EIF2AK1: variants seen among roughly 807,000 people sequenced by gnomAD.
The protein encoded by EIF2AK1 is eukaryotic translation initiation factor 2 alpha kinase 1.
A neutral mutation model predicts 77.9 loss-of-function variants in EIF2AK1; 54 were observed. That is an observed-to-expected ratio of 0.69 (90% CI 0.56 to 0.87). EIF2AK1 has a LOEUF of 0.87. Among genes scored for constraint, EIF2AK1 ranks in the 40% least tolerant of loss-of-function variants. The pLI is 0.00. For missense variants in EIF2AK1, 810 were observed against 768.6 expected (o/e 1.05, Z -0.64); for synonymous variants, 314 against 290.5 (o/e 1.08, Z -0.82).
rs924852468 is a variant in EIF2AK1 at position 6,044,585 on chromosome 7, T to C, written c.707A>G (p.His236Arg). 1.2e-6 allele frequency: 2 copies of C among 1,614,006 alleles called. No homozygotes were observed. Among genetic ancestry groups the C allele is most frequent in the East Asian group, 2.2e-5 (1 of 44,880 alleles). The change falls in exon 7 of 15, where the codon CAT (histidine) becomes CGT (arginine). Residue 236 changes from histidine to arginine, a missense_variant. By Grantham distance (29) the His-to-Arg change is conservative. Transcript: ENST00000199389. Reference protein sequence around the residue: ...IVGYHTAWIEHVHVIQPRADR... With the variant: ...IVGYHTAWIERVHVIQPRADR... ...ACCTCGTGGCTGAATCACATGAACA[T>C]GTTCTATCCACGCGGTGTGATAGCC...
chr7:6,058,244 TG>T (rs749973727), intron 1 of EIF2AK1: 135 of 420,452 alleles, frequency 3.2e-4, no homozygotes, highest in Middle Eastern at 2.8e-3. Context: ...ACCACATCTC[TG>T]CAAAAAAAAA....
intron 3 of EIF2AK1, 59 bp from the exon 4 acceptor site, chr7:6,048,903 C>T (rs1788519124): frequency 8.3e-7 from 1 of 1,203,902 alleles, no homozygotes; most frequent in Non-Finnish European, 1.2e-6. Context: ...AATAAAGAAC[C>T]TATCAAAATT....
rs1787678974 is a variant in EIF2AK1, at chr7:6,024,408, A to G, written c.*265T>C. 1 of 1,325,614 alleles carries G rather than the reference A, an allele frequency of 7.5e-7. No homozygotes were observed. The highest frequency in any genetic ancestry group is 1.5e-5 in the African/African-American group (1 of 67,196). The allele number at this position is 1,325,614 out of a possible 1,614,324, so 82.1% of individuals were successfully genotyped here. On this transcript the variant is annotated 3_prime_UTR_variant, in exon 15 of 15. Transcript: ENST00000199389. ...TAGAGGAAGACCAGACAGAGGGTCAACAGAGTTGAAAGGAGAAAATAATTG... is the reference window on the plus strand; with the variant it reads ...TAGAGGAAGACCAGACAGAGGGTCAGCAGAGTTGAAAGGAGAAAATAATTG...
At chr7:6,047,151 T>C (rs1788470072) in intron 4 of EIF2AK1, 60 bp from the exon 5 acceptor site, 7 of 1,485,830 alleles carry the variant, frequency 4.7e-6, no homozygotes, top group Admixed American at 1.7e-5. Flanking sequence ...TGTTCTAGGA[T>C]ACCTCATGCT....
In EIF2AK1 at chr7:6,026,846, A is replaced by C. The variant is rs777541409; in HGVS notation, c.1646T>G (p.Leu549Arg). Reference sequence around the variant, plus strand: ...GGCTTGCACTGGACACCTTTTACGGAGGGATTCCGGCAACTGACCAGTTCT... The same window carrying C: ...GGCTTGCACTGGACACCTTTTACGGCGGGATTCCGGCAACTGACCAGTTCT... ...GLRTGQLPESLRKRCPVQAKY... is the reference protein window; with the variant it reads ...GLRTGQLPESRRKRCPVQAKY... Residue 549 changes from leucine to arginine, a missense_variant, in exon 14 of 15, where the codon CTC becomes CGC. Around this residue, in one of 3 missense-constraint regions of EIF2AK1, gnomAD observed 549 missense variants for 533.7 expected, o/e 1.03. Coordinates refer to ENST00000199389, the MANE Select transcript of EIF2AK1 (RefSeq NM_014413.4). The C allele has an allele frequency of 5.0e-6, 8 of 1,614,036 alleles. No individual in the cohort carries two copies. Among genetic ancestry groups the C allele is most frequent in the Non-Finnish European group, 8.5e-7 (1 of 1,180,026 alleles).
rs779261913 is a variant in EIF2AK1, at chr7:6,054,637, T to C, written c.186A>G (p.Ala62=). The change falls in exon 2 of 15, where the codon GCA becomes GCG. Residue 62 remains alanine, a synonymous_variant. Coordinates refer to ENST00000199389, the MANE Select transcript of EIF2AK1 (RefSeq NM_014413.4). The part of the protein sequence containing the change: ...EPLQQPTFPF[A]VANQLLLVSL... ...AAACCAGCAAGAGTTGGTTTGCAAC[T>C]GCAAAAGGGAAGGTTGGCTGTTGTA... 1 of 1,614,210 alleles carries C rather than the reference T, an allele frequency of 6.2e-7. No homozygotes were observed. The highest frequency in any genetic ancestry group is 8.5e-7 in the Non-Finnish European group (1 of 1,180,042).
At position 6,046,817 on chromosome 7, in the gene EIF2AK1, G is replaced by A. The variant is rs190247754; in HGVS notation, c.549+175C>T. The A allele has an allele frequency of 1.4e-5, 7 of 506,804 alleles. No individual in the cohort carries two copies. The East Asian group carries it at 2.2e-4, about 16-fold the overall frequency. The allele number at this position is 506,804 out of a possible 1,614,324, so 31.4% of individuals were successfully genotyped here. A position where few individuals can be genotyped will look rare whatever the true frequency, so the allele number is the denominator to read the frequency against. On this transcript the variant is annotated intron_variant, in intron 5 of 14. Transcript: ENST00000199389. ...CTCGGGAGGCTGAGGCAGAAGAATCGCTTGAACCAGGGAGTCAGAGGTTGC... is the reference window on the plus strand; with the variant it reads ...CTCGGGAGGCTGAGGCAGAAGAATCACTTGAACCAGGGAGTCAGAGGTTGC...
rs13226117 is a variant in EIF2AK1 at position 6,032,451 on chromosome 7, G to A, written c.1333-3419C>T. On this transcript the variant is annotated intron_variant, in intron 11 of 14. Transcript: ENST00000199389. This position sits in a 1 kb window ranked among gnomAD's most constrained non-coding sequence, Gnocchi z 4.3. ...ATTCAGGTTTTACTGCTGATAATACGACTTTGGCAACGACACAGCACCTAC... is the reference window on the plus strand; with the variant it reads ...ATTCAGGTTTTACTGCTGATAATACAACTTTGGCAACGACACAGCACCTAC... 2.2e-3 allele frequency among the ~76,000 whole-genome samples: 330 copies of A among 152,240 alleles called. No individual in the cohort carries two copies. Among genetic ancestry groups the A allele is most frequent in the Non-Finnish European group, 3.5e-3 (240 of 68,030 alleles).
At chr7:6,055,848 G>A (rs974219464) in intron 1 of EIF2AK1, among the ~76,000 whole-genome samples, 15 of 150,868 alleles carry the variant, frequency 9.9e-5, no homozygotes, top group African/African-American at 1.7e-4. Flanking sequence ...GCGTGGTGGC[G>A]CATGCCTGTA....
At chr7:6,045,756 T>TATATA (rs1554321653) in intron 6 of EIF2AK1, among the ~76,000 whole-genome samples, 2 of 147,796 alleles carry the variant, frequency 1.4e-5, no homozygotes, top group South Asian at 2.1e-4. Flanking sequence ...TATATATAAA[T>TATATA]TAGCCAGGCA....
intron 14 of EIF2AK1, chr7:6,026,488 A>G: frequency 1.5e-6 from 1 of 666,906 alleles, no homozygotes; most frequent in Non-Finnish European, 2.8e-6. Flanking sequence ...TGTGAACACC[A>G]GCAGATACCT....
chr7:6,024,795 G>C lies in EIF2AK1; in HGVS notation c.1771C>G (p.Leu591Val), dbSNP rs377721813. The C allele has an allele frequency of 6.5e-7, 1 of 1,530,458 alleles. No homozygotes were observed. The highest frequency in any genetic ancestry group is 1.4e-5 in the African/African-American group (1 of 70,162). The allele number at this position is 1,530,458 out of a possible 1,614,324, so 94.8% of individuals were successfully genotyped here. A position where few individuals can be genotyped will look rare whatever the true frequency, so the allele number is the denominator to read the frequency against. The change falls in exon 15 of 15, where the codon CTC becomes GTC. Residue 591 changes from leucine to valine, a missense_variant. Coordinates refer to ENST00000199389, the MANE Select transcript of EIF2AK1 (RefSeq NM_014413.4). ...ELFQNSGNVNLTLQMKIIEQE... is the reference protein window; with the variant it reads ...ELFQNSGNVNVTLQMKIIEQE... The stretch of plus-strand genomic sequence containing the variant: ...TCTATTATCTTCATCTGTAGGGTGA[G>C]GTTAACCTGTAAGGAGAAAATATTT...
intron 1 of EIF2AK1, among the ~76,000 whole-genome samples, chr7:6,056,614 A>AAAAAAAAAAAAAAATATATATG (rs1562761769): frequency 1.9e-5 from 1 of 53,472 alleles, no homozygotes; most frequent in African/African-American, 1.1e-4. Flanking sequence ...AAAAAAAAAA[A>AAAAAAAAAAAAAAATATATATG]TATATATATA....
intron 12 of EIF2AK1, 50 bp from the exon 13 acceptor site, chr7:6,028,747 A>G: frequency 1.9e-6 from 3 of 1,560,290 alleles, no homozygotes; most frequent in Middle Eastern, 1.7e-4. Flanking sequence ...CGCTGTCAAC[A>G]TTAAAGAACA....
chr7:6,043,111 G>T, intron 7 of EIF2AK1, 118 bp from the exon 8 acceptor site: 1 of 1,004,048 alleles, frequency 1.0e-6, no homozygotes, highest in Non-Finnish European at 1.5e-6. Flanking sequence ...AAAATGTCAT[G>T]ACCTTCTGGC....
At position 6,032,984 on chromosome 7, in the gene EIF2AK1, T is replaced by C. The variant is rs1441149742; in HGVS notation, c.1333-3952A>G. The C allele has an allele frequency of 1.3e-6, 2 of 1,488,924 alleles. No individual in the cohort carries two copies. Among genetic ancestry groups the C allele is most frequent in the South Asian group, 1.2e-5 (1 of 82,626 alleles). 92.2% of individuals were successfully genotyped at this position (1,488,924 alleles called of 1,614,324 possible). On this transcript the variant is annotated intron_variant, in intron 11 of 14. Coordinates refer to ENST00000199389, the MANE Select transcript of EIF2AK1 (RefSeq NM_014413.4). This position sits in a 1 kb window ranked among gnomAD's most constrained non-coding sequence, Gnocchi z 4.3. ...CATTTCTTTTTTTTTCTTTTTTGTTTTGAGGCAGGGGTCTCGCTCTGTTGC... is the reference window on the plus strand; with the variant it reads ...CATTTCTTTTTTTTTCTTTTTTGTTCTGAGGCAGGGGTCTCGCTCTGTTGC...
chr7:6,027,084 CAAGG>C lies in EIF2AK1; in HGVS notation c.1531-127_1531-124del. 1.3e-6 allele frequency: 1 copy of C among 789,068 alleles called. No homozygotes were observed. Among genetic ancestry groups the C allele is most frequent in the Admixed American group, 2.3e-5 (1 of 43,890 alleles). 48.9% of individuals were successfully genotyped at this position (789,068 alleles called of 1,614,324 possible). A position where few individuals can be genotyped will look rare whatever the true frequency, so the allele number is the denominator to read the frequency against. ...AAGAATGAGGATATACGGTCACCCA[CAAGG>C]AAGGGAACAGAGCAGGATAGCTCAT... is the stretch of plus-strand genomic sequence containing the variant. On this transcript the variant is annotated intron_variant, in intron 13 of 14. Coordinates refer to ENST00000199389, the MANE Select transcript of EIF2AK1 (RefSeq NM_014413.4). The surrounding 1 kb of genome is among the most constrained non-coding windows in gnomAD (Gnocchi z 4.5).
At position 6,024,754 on chromosome 7, in the gene EIF2AK1, A is replaced by G. The variant is rs754024144; in HGVS notation, c.1812T>C (p.Ile604=). ...GGTTTAGCTGCTTCTTTAGTTCTGCAATTTCTTTTTCTTGCTCTATTATCT... is the reference window on the plus strand; with the variant it reads ...GGTTTAGCTGCTTCTTTAGTTCTGCGATTTCTTTTTCTTGCTCTATTATCT... ...QMKIIEQEKE[I]AELKKQLNLL... The change falls in exon 15 of 15, where the codon ATT becomes ATC. Residue 604 remains isoleucine (I), a synonymous_variant. Transcript: ENST00000199389. The G allele has an allele frequency of 1.3e-6, 2 of 1,593,022 alleles. No individual in the cohort carries two copies. The highest frequency in any genetic ancestry group is 3.7e-5 in the Admixed American group (2 of 53,918).
At chr7:6,055,215 C>T (rs1016890297) in intron 1 of EIF2AK1, among the ~76,000 whole-genome samples, 20 of 151,644 alleles carry the variant, frequency 1.3e-4, no homozygotes, top group African/African-American at 4.6e-4. Context: ...TGGTGGCAGG[C>T]GCCTGTAATC....
Sources: allele counts gnomAD v4.1 joint callset (sites outside exome capture counted in the v4.1 genomes callset), GRCh38; gene constraint gnomAD v4.1.1; regional missense constraint gnomAD v4.1.1; non-coding constraint Gnocchi (gnomAD v3.1); transcripts MANE v1.5; gene names NCBI Gene and HGNC (gene_info 2026-07-23, HGNC 2026-07-21).